Variants in ALG9 observed in about 807,000 individuals in gnomAD.
ALG9 encodes the protein alpha-1,2-mannosyltransferase ALG9.
Under a neutral mutation model 81.8 loss-of-function variants are expected in ALG9, and 55 were observed. The observed-to-expected ratio is 0.67, with a 90% CI of 0.54 to 0.84. ALG9 has a LOEUF of 0.84. Ranked by LOEUF, ALG9 falls within the 40% of genes least tolerant of loss-of-function variation. The probability of loss-of-function intolerance (pLI) is 0.00; values close to 1 mark genes in which losing one functional copy is unlikely to be tolerated. For missense variants in ALG9, 629 were observed against 745.0 expected, an observed-to-expected ratio of 0.84 and a Z score of 1.81; for synonymous variants, 278 against 274.3, an observed-to-expected ratio of 1.01 and a Z score of -0.13.
the ALG9 span, among the ~76,000 whole-genome samples, chr11:111,774,235 G>C: frequency 6.6e-6 from 1 of 152,038 alleles, no homozygotes; most frequent in East Asian, 1.9e-4. Flanking sequence ...AATTAGCCAG[G>C]CGTGGTGGCG....
Position 111,783,027 on chromosome 11 carries a change from A to C in ALG9, c.*3370T>G, listed in dbSNP as rs1250704129. The C allele has an allele frequency of 6.6e-6, 1 of 152,210 alleles. No individual in the cohort carries two copies. The highest frequency in any genetic ancestry group is 1.9e-4 in the East Asian group (1 of 5,198). The allele number at this position is 152,210 out of a possible 1,614,324, so 9.4% of individuals were successfully genotyped here. ...TTTTGGTAGCAGATGCCTACCGTGC[A>C]GACTGGTTCAGTAATGGTACTCAGC... On this transcript the variant is annotated 3_prime_UTR_variant, in exon 15 of 15. Coordinates refer to ENST00000616540, the MANE Select transcript of ALG9 (RefSeq NM_024740.2).
At chr11:111,844,483 A>C in intron 9 of ALG9, 118 bp downstream of exon 9, 1 of 1,467,000 alleles carries the variant, frequency 6.8e-7, no homozygotes, top group Non-Finnish European at 9.5e-7. Context: ...CAGTAAGCCA[A>C]CCATTTCCAT....
At chr11:111,835,787 G>A (rs1429441909) in intron 13 of ALG9, among the ~76,000 whole-genome samples, 1 of 152,160 alleles carries the variant, frequency 6.6e-6, no homozygotes, top group Non-Finnish European at 1.5e-5. Context: ...GTCTCACTCT[G>A]TTGCCCAGGC....
At position 111,782,970 on chromosome 11, in the gene ALG9, T is replaced by C. The variant is rs1329512266; in HGVS notation, c.*3427A>G. 2.0e-5 allele frequency: 3 copies of C among 152,356 alleles called. No individual in the cohort carries two copies. The highest frequency in any genetic ancestry group is 3.9e-4 in the East Asian group (2 of 5,190). 9.4% of individuals were successfully genotyped at this position (152,356 alleles called of 1,614,324 possible). A position where few individuals can be genotyped will look rare whatever the true frequency, so the allele number is the denominator to read the frequency against. Reference sequence around the variant, plus strand: ...AATTAAAATAACCTGTCTTCTTTCTTATCAGATGACACCTACCAGGTAGGA... The same window carrying C: ...AATTAAAATAACCTGTCTTCTTTCTCATCAGATGACACCTACCAGGTAGGA... On this transcript the variant is annotated 3_prime_UTR_variant, in exon 15 of 15. Coordinates refer to ENST00000616540, the MANE Select transcript of ALG9 (RefSeq NM_024740.2).
chr11:111,780,548 C>T (rs1945876778), downstream of ALG9, among the ~76,000 whole-genome samples: 1 of 152,062 alleles, frequency 6.6e-6, no homozygotes, highest in Non-Finnish European at 1.5e-5. Context: ...AGGCACCCAC[C>T]ATCATGCCCA....
In ALG9 at chr11:111,820,949, A is replaced by ACACACACACAC. The variant is rs1555103000; in HGVS notation, c.1603-11177_1603-11176insGTGTGTGTGTG. Among the ~76,000 whole-genome samples, 5 of 120,228 alleles carry ACACACACACAC rather than the reference A, an allele frequency of 4.2e-5. No individual in the cohort carries two copies. In the South Asian group the frequency reaches 1.3e-3, roughly 31 times the overall value. 78.9% of individuals were successfully genotyped at this position (120,228 alleles called of 152,430 possible). On this transcript the variant is annotated intron_variant, in intron 13 of 14. Transcript: ENST00000616540. The stretch of plus-strand genomic sequence containing the variant: ...ACACACACACACACACACACACACA[A>ACACACACACAC]GCCAGGTATGGTGGTGTGCACCTGT...
At chr11:111,778,687 C>T (rs1945760004), downstream of ALG9, among the ~76,000 whole-genome samples, 3 of 152,038 alleles carry the variant, frequency 2.0e-5, no homozygotes, top group South Asian at 6.2e-4. Flanking sequence ...GTGTTCAACT[C>T]TAGCTACCTG....
At chr11:111,812,341 G>A (rs1458245814) in intron 13 of ALG9, among the ~76,000 whole-genome samples, 1 of 152,186 alleles carries the variant, frequency 6.6e-6, no homozygotes, top group Non-Finnish European at 1.5e-5. Context: ...GCCAAAGTGG[G>A]AAGATAGCTT....
At chr11:111,823,850 G>A (rs1433720482) in intron 13 of ALG9, among the ~76,000 whole-genome samples, 1 of 152,176 alleles carries the variant, frequency 6.6e-6, no homozygotes, top group East Asian at 1.9e-4. Context: ...CTTCCACTGA[G>A]CTTGGATTCA....
chr11:111,824,145 G>C (rs1456254403), intron 13 of ALG9, among the ~76,000 whole-genome samples: 1 of 152,098 alleles, frequency 6.6e-6, no homozygotes, highest in Non-Finnish European at 1.5e-5. Context: ...AACAAATTCT[G>C]GGTTTCTTTC....
intron 14 of ALG9, among the ~76,000 whole-genome samples, chr11:111,803,564 A>G (rs1949472366): frequency 6.6e-6 from 1 of 151,940 alleles, no homozygotes. Context: ...AAGACTTACT[A>G]TAAAGCTACA....
At chr11:111,835,758 G>A (rs782045015) in intron 13 of ALG9, among the ~76,000 whole-genome samples, 7 of 152,018 alleles carry the variant, frequency 4.6e-5, no homozygotes, top group South Asian at 2.1e-4. Flanking sequence ...AAAAATATCC[G>A]GTTTTTTTCT....
intron 13 of ALG9, among the ~76,000 whole-genome samples, chr11:111,822,809 G>A (rs1555105231): frequency 6.6e-6 from 1 of 152,134 alleles, no homozygotes; most frequent in Admixed American, 6.5e-5. Flanking sequence ...GATCACCTGA[G>A]GTTGGGAGTT....
chr11:111,852,178 G>A (rs1555139167), intron 8 of ALG9, among the ~76,000 whole-genome samples: 1 of 152,130 alleles, frequency 6.6e-6, no homozygotes, highest in East Asian at 1.9e-4. Flanking sequence ...ATCTTAACCT[G>A]CTTCATAGCA....
chr11:111,827,563 A>G (rs187779717), intron 13 of ALG9, among the ~76,000 whole-genome samples: 21 of 152,254 alleles, frequency 1.4e-4, no homozygotes, highest in African/African-American at 4.8e-4. Flanking sequence ...AACACTTAAC[A>G]GTGATTAAGA....
intron 13 of ALG9, among the ~76,000 whole-genome samples, chr11:111,827,500 C>T (rs1268869683): frequency 6.6e-6 from 1 of 151,816 alleles, no homozygotes; most frequent in Non-Finnish European, 1.5e-5. Context: ...CACATAGAGA[C>T]AATAAAAAGT....
chr11:111,834,455 G>A (rs140337992), intron 13 of ALG9, among the ~76,000 whole-genome samples: 404 of 152,284 alleles, frequency 2.7e-3, no homozygotes, highest in African/African-American at 9.1e-3. Flanking sequence ...GAACACTTGT[G>A]CAAGCATAAG....
At chr11:111,844,835 G>C in intron 8 of ALG9, 112 bp from the exon 9 acceptor site, 1 of 1,193,316 alleles carries the variant, frequency 8.4e-7, no homozygotes, top group Non-Finnish European at 1.2e-6. Context: ...TATGCCTCAT[G>C]GGAATGAGAG....
At chr11:111,812,320 T>C (rs150429704) in intron 13 of ALG9, among the ~76,000 whole-genome samples, 173 of 152,196 alleles carry the variant, frequency 1.1e-3, no homozygotes, top group African/African-American at 3.8e-3. Flanking sequence ...GTAATCCTAG[T>C]ACCTTGGGAG....
Sources: allele counts gnomAD v4.1 joint callset (sites outside exome capture counted in the v4.1 genomes callset), GRCh38; gene constraint gnomAD v4.1.1; transcripts MANE v1.5; gene names NCBI Gene and HGNC (gene_info 2026-07-23, HGNC 2026-07-21).